Variants in PPP1R3F observed in about 807,000 individuals in gnomAD.
The protein encoded by PPP1R3F is protein phosphatase 1 regulatory subunit 3F.
Under a neutral mutation model 24.2 loss-of-function variants are expected in PPP1R3F, and 29 were observed. That is an observed-to-expected ratio of 1.20 (90% CI 0.89 to 1.63). The LOEUF is 1.63. Ranked by LOEUF, PPP1R3F falls within the 40% of genes most tolerant of loss-of-function variation. The probability of loss-of-function intolerance (pLI) is 0.00; values close to 1 mark genes in which losing one functional copy is unlikely to be tolerated. For missense variants in PPP1R3F, 823 were observed against 729.3 expected, an observed-to-expected ratio of 1.13 and a Z score of -1.48; for synonymous variants, 363 against 340.1, an observed-to-expected ratio of 1.07 and a Z score of -0.74.
chrX:49,290,095 A>G (rs1016233699), downstream of PPP1R3F, among the ~76,000 whole-genome samples: 1 of 110,067 alleles, frequency 9.1e-6, no homozygotes, highest in Non-Finnish European at 1.9e-5. Context: ...CCCCCCCCAT[A>G]CATTTAGGTT....
downstream of PPP1R3F, among the ~76,000 whole-genome samples, chrX:49,292,455 G>T (rs915226397): frequency 7.1e-5 from 8 of 112,797 alleles, no homozygotes; most frequent in African/African-American, 2.3e-4. Flanking sequence ...GGCCAGGTTG[G>T]CCAGGTTGGC....
downstream of PPP1R3F, among the ~76,000 whole-genome samples, chrX:49,289,753 G>C (rs782445956): frequency 1.7e-4 from 19 of 111,434 alleles, no homozygotes; most frequent in South Asian, 5.0e-3. Context: ...TCATGGATGT[G>C]CAATTTATTC....
intron 3 of PPP1R3F, 61 bp from the exon 4 acceptor site, chrX:49,285,772 TC>T: frequency 9.5e-7 from 1 of 1,053,314 alleles, no homozygotes; most frequent in Admixed American, 3.2e-5. Flanking sequence ...GCTTGTTCCA[TC>T]CCCTCCTCTG....
rs782017392 is a variant in PPP1R3F, at chrX:49,286,639, C to T, written c.1949C>T (p.Thr650Ile). Residue 650 changes from threonine (T) to isoleucine (I), a missense_variant, in exon 4 of 4, where the codon ACC becomes ATC. Physicochemically the swap from Thr to Ile is moderately conservative, Grantham distance 89 (BLOSUM62 -1). Transcript: ENST00000055335. ...CCTGAGAAAGGGATGGGCAAGGACA[C>T]CAGCTCTTTGCACATGAATAGGGTG... Reference protein sequence around the residue: ...GDPEKGMGKDTSSLHMNRVIA... With the variant: ...GDPEKGMGKDISSLHMNRVIA... 1.7e-6 allele frequency: 2 copies of T among 1,208,859 alleles called. No homozygotes were observed. Among genetic ancestry groups the T allele is most frequent in the Non-Finnish European group, 2.2e-6 (2 of 894,339 alleles).
intron 3 of PPP1R3F, 65 bp downstream of exon 3, chrX:49,282,128 TG>T: frequency 1.1e-6 from 1 of 908,835 alleles, no homozygotes; most frequent in Non-Finnish European, 1.6e-6. Flanking sequence ...TGACTATTGC[TG>T]GGCTGGGTGG....
chrX:49,289,926 G>A (rs782293617), downstream of PPP1R3F, among the ~76,000 whole-genome samples: 51 of 111,023 alleles, frequency 4.6e-4, no homozygotes, highest in East Asian at 2.3e-3. Flanking sequence ...AAAATTAGCC[G>A]GGCGTGGTGG....
At chrX:49,285,243 G>A (rs1222828103) in intron 3 of PPP1R3F, among the ~76,000 whole-genome samples, 3 of 107,572 alleles carry the variant, frequency 2.8e-5, no homozygotes, top group African/African-American at 1.0e-4. Context: ...AGTCTCTGTC[G>A]CCCAGGCTGC....
At chrX:49,275,925 C>A (rs1557119962) in intron 1 of PPP1R3F, among the ~76,000 whole-genome samples, 1 of 112,425 alleles carries the variant, frequency 8.9e-6, no homozygotes. Context: ...GGATGGGGAT[C>A]CAACCTGCTA....
chrX:49,276,311 C>A (rs1278961501), intron 1 of PPP1R3F, among the ~76,000 whole-genome samples: 2 of 112,487 alleles, frequency 1.8e-5, no homozygotes, highest in African/African-American at 3.2e-5. Context: ...TCAAATATTT[C>A]TTTGATCTGC....
intron 1 of PPP1R3F, among the ~76,000 whole-genome samples, chrX:49,278,051 C>T (rs2066225137): frequency 8.9e-6 from 1 of 112,176 alleles, no homozygotes; most frequent in African/African-American, 3.2e-5. Context: ...TCTCGCCCTC[C>T]TCAGCCATGG....
chrX:49,269,828 G>T lies in PPP1R3F; in HGVS notation c.-42G>T. The T allele has an allele frequency of 1.2e-6, 1 of 846,279 alleles. No individual in the cohort carries two copies. The highest frequency in any genetic ancestry group is 1.5e-6 in the Non-Finnish European group (1 of 688,757). The allele number at this position is 846,279 out of a possible 1,213,427, so 69.7% of individuals were successfully genotyped here. On this transcript the variant is annotated 5_prime_UTR_variant, in exon 1 of 4. Transcript: ENST00000055335. ...CGCCCCTTCAGGCCCTGCCCCCGCC[G>T]GTCCCGCCGCCGGTGCCGTCGGTGC... is the stretch of plus-strand genomic sequence containing the variant.
rs1256029198 is a variant in PPP1R3F, at chrX:49,270,098, G to T, written c.229G>T (p.Gly77Cys). 66 of 1,010,577 alleles carry T rather than the reference G, an allele frequency of 6.5e-5. No homozygotes were observed. Among genetic ancestry groups the T allele is most frequent in the Non-Finnish European group, 7.7e-5 (62 of 800,762 alleles). The allele number at this position is 1,010,577 out of a possible 1,213,427, so 83.3% of individuals were successfully genotyped here. A position where few individuals can be genotyped will look rare whatever the true frequency, so the allele number is the denominator to read the frequency against. The stretch of plus-strand genomic sequence containing the variant: ...GGCCGGGCAAGATGGCGGCGGCGGC[G>T]GCGGGGCCGACGAGGACGACGATGG... ...AAAGQDGGGG[G>C]GADEDDDGED... Residue 77 changes from glycine to cysteine, a missense_variant, in exon 1 of 4, where the codon GGC becomes TGC. Coordinates refer to ENST00000055335, the MANE Select transcript of PPP1R3F (RefSeq NM_033215.5).
chrX:49,286,606 T>C lies in PPP1R3F; in HGVS notation c.1916T>C (p.Ile639Thr), dbSNP rs782220859. ...GTTCTGGGTACAGAGGGTCAGTTCA[T>C]TGGGGATCCTGAGAAAGGGATGGGC... is the stretch of plus-strand genomic sequence containing the variant. Reference protein sequence around the residue: ...PVVLGTEGQFIGDPEKGMGKD... With the variant: ...PVVLGTEGQFTGDPEKGMGKD... The change falls in exon 4 of 4, where the codon ATT becomes ACT. Residue 639 changes from isoleucine to threonine, a missense_variant. Coordinates refer to ENST00000055335, the MANE Select transcript of PPP1R3F (RefSeq NM_033215.5). 1.6e-5 allele frequency: 19 copies of C among 1,209,518 alleles called. No homozygotes were observed. The highest frequency in any genetic ancestry group is 2.3e-4 in the Middle Eastern group (1 of 4,376).
intron 3 of PPP1R3F, among the ~76,000 whole-genome samples, chrX:49,297,689 G>A (rs781868874): frequency 1.8e-5 from 2 of 111,112 alleles, no homozygotes; most frequent in African/African-American, 3.3e-5. Flanking sequence ...TGTATTGGGT[G>A]CATATATATT....
rs782153171 is a variant in PPP1R3F, at chrX:49,270,173, T to C, written c.304T>C (p.Ser102Pro). The change falls in exon 1 of 4, where the codon TCA becomes CCA. Residue 102 changes from serine to proline, a missense_variant. Ser to Pro is a moderately conservative substitution (Grantham distance 74). Coordinates refer to ENST00000055335, the MANE Select transcript of PPP1R3F (RefSeq NM_033215.5). ...GGAAGAGGAGGCTTGCCCCGAGCCC[T>C]CACCGCTGTGCCCCGTCCCCGCTGG... ...EEEEEACPEP[S>P]PLCPVPAGGG... 1 of 1,097,883 alleles carries C rather than the reference T, an allele frequency of 9.1e-7. No homozygotes were observed. Among genetic ancestry groups the C allele is most frequent in the Admixed American group, 3.5e-5 (1 of 28,704 alleles). The allele number at this position is 1,097,883 out of a possible 1,213,427, so 90.5% of individuals were successfully genotyped here.
At chrX:49,292,329 G>A (rs1286533586), downstream of PPP1R3F, among the ~76,000 whole-genome samples, 1 of 112,536 alleles carries the variant, frequency 8.9e-6, no homozygotes, top group Non-Finnish European at 1.9e-5. Context: ...CATCACTAAA[G>A]AGAGGTTCTC....
At chrX:49,292,250 C>T (rs1177630808), downstream of PPP1R3F, among the ~76,000 whole-genome samples, 1 of 111,815 alleles carries the variant, frequency 8.9e-6, no homozygotes, top group East Asian at 2.8e-4. Context: ...TACTGTTGTT[C>T]GGGGTCTTCT....
At position 49,270,578 on chromosome X, in the gene PPP1R3F, G is replaced by T. The variant is rs782606091; in HGVS notation, c.709G>T (p.Gly237Cys). The part of the protein sequence containing the change: ...GQASASSPDD[G>C]GRTDRFAFQL... ...GGCATCCGCCTCCTCGCCCGACGAC[G>T]GCGGCCGCACCGACCGCTTTGCCTT... Residue 237 changes from glycine to cysteine, a missense_variant, in exon 1 of 4, where the codon GGC becomes TGC. Physicochemically the swap from Gly to Cys is radical, Grantham distance 159. Transcript: ENST00000055335. The T allele has an allele frequency of 1.3e-5, 16 of 1,202,479 alleles. No individual in the cohort carries two copies. Among genetic ancestry groups the T allele is most frequent in the Non-Finnish European group, 1.8e-5 (16 of 893,706 alleles).
At chrX:49,275,848 C>G (rs2066209155) in intron 1 of PPP1R3F, 1 of 111,894 alleles carries the variant, frequency 8.9e-6, no homozygotes, top group African/African-American at 3.3e-5. Context: ...CATGGTGTCT[C>G]CAGGATCCGT....
Sources: allele counts gnomAD v4.1 joint callset (sites outside exome capture counted in the v4.1 genomes callset), GRCh38; gene constraint gnomAD v4.1.1; transcripts MANE v1.5; gene names NCBI Gene and HGNC (gene_info 2026-07-23, HGNC 2026-07-21).